Variants in CSPG5 observed in about 807,000 individuals in gnomAD.
CSPG5 encodes the protein acidic leucine-rich EGF-like domain-containing brain protein.
In CSPG5, 25 loss-of-function variants were observed where a neutral mutation model predicts 39.8. The observed-to-expected ratio is 0.63, with a 90% confidence interval of 0.46 to 0.88. The LOEUF (loss-of-function observed/expected upper bound fraction) is 0.88, where lower values mean the gene tolerates loss of function less well. CSPG5 is among the 40% of genes least tolerant of loss of function. The pLI, the probability that CSPG5 is intolerant of heterozygous loss-of-function variation, is 0.00. For missense variants in CSPG5, 627 were observed against 702.2 expected (o/e 0.89, Z 1.21); for synonymous variants, 295 against 303.9 (o/e 0.97, Z 0.31).
At position 47,572,623 on chromosome 3, in the gene CSPG5, C is replaced by T; in HGVS notation, c.1382+63G>A. 7.1e-7 allele frequency: 1 copy of T among 1,400,520 alleles called. No homozygotes were observed. Among genetic ancestry groups the T allele is most frequent in the Non-Finnish European group, 1.0e-6 (1 of 996,462 alleles). 86.8% of individuals were successfully genotyped at this position (1,400,520 alleles called of 1,614,324 possible). On this transcript the variant is annotated intron_variant, in intron 3 of 4. Coordinates refer to ENST00000264723, the MANE Select transcript of CSPG5 (RefSeq NM_006574.4). The surrounding 1 kb of genome is among the most constrained non-coding windows in gnomAD (Gnocchi z 4.5). ...AGTCCCTGGATCAGTTGGAGGGGTG[C>T]AGCAGCGTCGGGGGGCCTCCCACAC... is the stretch of plus-strand genomic sequence containing the variant.
chr3:47,575,152 G>A lies in CSPG5; in HGVS notation c.1193+1681C>T, dbSNP rs1293845421. Among the ~76,000 whole-genome samples the A allele has an allele frequency of 4.6e-5, 7 of 152,204 alleles. No individual in the cohort carries two copies. The South Asian group carries it at 6.2e-4, about 13-fold the overall frequency. On this transcript the variant is annotated intron_variant, in intron 2 of 4. Transcript: ENST00000264723. ...TGAAAAAGAGATACCCTGGCCGGGC[G>A]TGGTGGCTCACGCCTGTAATCCCAG... is the stretch of plus-strand genomic sequence containing the variant.
chr3:47,564,803 G>A (rs1161087315), intron 4 of CSPG5, among the ~76,000 whole-genome samples: 3 of 152,152 alleles, frequency 2.0e-5, no homozygotes, highest in East Asian at 1.9e-4. Context: ...ATATACACAC[G>A]TGTGTACTTT....
In CSPG5 at chr3:47,577,792, G is replaced by A; in HGVS notation, c.234C>T (p.Pro78=). The change falls in exon 2 of 5, where the codon CCC becomes CCT. Residue 78 remains proline, a synonymous_variant. Transcript: ENST00000264723. This position sits in a 1 kb window ranked among gnomAD's most constrained non-coding sequence, Gnocchi z 4.7. The part of the protein sequence containing the change: ...AGEDEASWTA[P]GGELAGPEEV... ...CTTCTGGCCCGGCCAGCTCGCCACC[G>A]GGCGCCGTCCACGACGCCTCATCTT... 3.2e-6 allele frequency: 5 copies of A among 1,584,568 alleles called. No individual in the cohort carries two copies. Among genetic ancestry groups the A allele is most frequent in the Non-Finnish European group, 4.3e-6 (5 of 1,173,734 alleles).
chr3:47,563,315 T>C (rs920770492), intron 4 of CSPG5, among the ~76,000 whole-genome samples: 2 of 152,186 alleles, frequency 1.3e-5, no homozygotes, highest in South Asian at 4.1e-4. Flanking sequence ...TGTCAGCCTC[T>C]CATTGTCACA....
At position 47,577,105 on chromosome 3, in the gene CSPG5, A is replaced by G. The variant is rs1417012091; in HGVS notation, c.921T>C (p.Pro307=). The G allele has an allele frequency of 6.2e-7, 1 of 1,613,900 alleles. No homozygotes were observed. Among genetic ancestry groups the G allele is most frequent in the South Asian group, 1.1e-5 (1 of 91,086 alleles). The change falls in exon 2 of 5, where the codon CCT becomes CCC. Residue 307 remains proline (P), a synonymous_variant. Transcript: ENST00000264723. This position sits in a 1 kb window ranked among gnomAD's most constrained non-coding sequence, Gnocchi z 4.7. The stretch of plus-strand genomic sequence containing the variant: ...GCTGGCCTGTCCCGGGCCCCAGACC[A>G]GGCTTCCCAGTGGGCACTAGAAGCT... ...ENELLVPTGK[P]GLGPGTGQPT...
rs1466691793 is a variant in CSPG5, at chr3:47,577,366, A to G, written c.660T>C (p.Gly220=). 1.9e-6 allele frequency: 3 copies of G among 1,614,042 alleles called. No homozygotes were observed. The highest frequency in any genetic ancestry group is 1.7e-6 in the Non-Finnish European group (2 of 1,179,990). The part of the protein sequence containing the change: ...IDYFEGLDGE[G]RGADLGSFPG... ...GGAAGCTCCCCAGATCTGCGCCACG[A>G]CCCTCACCATCCAGTCCTTCGAAGT... Residue 220 remains glycine (G), a synonymous_variant, in exon 2 of 5, where the codon GGT becomes GGC. Coordinates refer to ENST00000264723, the MANE Select transcript of CSPG5 (RefSeq NM_006574.4). The surrounding 1 kb of genome is among the most constrained non-coding windows in gnomAD (Gnocchi z 4.7).
In CSPG5 at chr3:47,578,323, C is replaced by A. The variant is rs1293742819; in HGVS notation, c.97+274G>T. Among the ~76,000 whole-genome samples the A allele has an allele frequency of 2.5e-4, 37 of 146,186 alleles. No individual in the cohort carries two copies. The highest frequency in any genetic ancestry group is 4.4e-4 in the South Asian group (2 of 4,586). On this transcript the variant is annotated intron_variant, in intron 1 of 4. Transcript: ENST00000264723. This position sits in a 1 kb window ranked among gnomAD's most constrained non-coding sequence, Gnocchi z 6.0. ...GTCTCACCCTCAGGCCCCGCCCCGG[C>A]CCCGCCCCGGCCCCGCCCCCGGCCC...
intron 4 of CSPG5, among the ~76,000 whole-genome samples, chr3:47,566,568 G>C (rs932377977): frequency 6.6e-6 from 1 of 152,214 alleles, no homozygotes; most frequent in African/African-American, 2.4e-5. Context: ...CTGGATAGGA[G>C]AGTCACCCCT....
chr3:47,568,094 G>A (rs888233156), intron 4 of CSPG5, among the ~76,000 whole-genome samples: 2 of 152,200 alleles, frequency 1.3e-5, no homozygotes, highest in Non-Finnish European at 2.9e-5. Flanking sequence ...GCCCCTGTGA[G>A]GTCTGACACT....
chr3:47,578,587 T>C lies in CSPG5; in HGVS notation c.97+10A>G. On this transcript the variant is annotated intron_variant, in intron 1 of 4. Transcript: ENST00000264723. This position sits in a 1 kb window ranked among gnomAD's most constrained non-coding sequence, Gnocchi z 6.0. ...AGGGCCGCGGGGGTCCCGGGCGCAGTCATACCTACCCGGCACGGCCCCAGA... is the reference window on the plus strand; with the variant it reads ...AGGGCCGCGGGGGTCCCGGGCGCAGCCATACCTACCCGGCACGGCCCCAGA... The C allele has an allele frequency of 9.1e-7, 1 of 1,104,294 alleles. No individual in the cohort carries two copies. The highest frequency in any genetic ancestry group is 1.1e-6 in the Non-Finnish European group (1 of 891,294). 68.4% of individuals were successfully genotyped at this position (1,104,294 alleles called of 1,614,324 possible).
At chr3:47,569,342 G>A (rs2031439810) in intron 3 of CSPG5, 115 bp from the exon 4 acceptor site, 7 of 1,059,610 alleles carry the variant, frequency 6.6e-6, no homozygotes, top group African/African-American at 3.2e-5. Context: ...GGTGGCTCGC[G>A]CCTGTAATCC....
chr3:47,577,925 C>A lies in CSPG5; in HGVS notation c.101G>T (p.Arg34Leu). ...GGCCTCAACCGCGCTGCCCGCCTCA[C>A]GCGCTGCGGGCGGGAGGGCAAGGGG... ...LVLASGAVPA[R>L]EAGSAVEAEE... is the part of the protein sequence containing the mutation. Residue 34 changes from arginine to leucine, a missense_variant, in exon 2 of 5, where the codon CGT becomes CTT. Transcript: ENST00000264723. The surrounding 1 kb of genome is among the most constrained non-coding windows in gnomAD (Gnocchi z 4.7). 1 of 1,431,750 alleles carries A rather than the reference C, an allele frequency of 7.0e-7. No individual in the cohort carries two copies. Among genetic ancestry groups the A allele is most frequent in the Non-Finnish European group, 9.0e-7 (1 of 1,106,062 alleles). 88.7% of individuals were successfully genotyped at this position (1,431,750 alleles called of 1,614,324 possible). A position where few individuals can be genotyped will look rare whatever the true frequency, so the allele number is the denominator to read the frequency against.
intron 3 of CSPG5, 25 bp from the exon 4 acceptor site, chr3:47,569,252 A>G (rs1379652544): frequency 1.2e-6 from 2 of 1,608,636 alleles, no homozygotes; most frequent in Non-Finnish European, 1.7e-6. Flanking sequence ...AGAGTGAAGG[A>G]AACATGTAAG....
At chr3:47,575,403 C>T (rs1397325931) in intron 2 of CSPG5, among the ~76,000 whole-genome samples, 1 of 152,208 alleles carries the variant, frequency 6.6e-6, no homozygotes, top group Non-Finnish European at 1.5e-5. Context: ...GATCACCCCA[C>T]CCTGGGATTC....
At chr3:47,566,467 C>A (rs1285438974) in intron 4 of CSPG5, among the ~76,000 whole-genome samples, 1 of 152,118 alleles carries the variant, frequency 6.6e-6, no homozygotes, top group Non-Finnish European at 1.5e-5. Context: ...TCGGCAATGC[C>A]CACAAGATCT....
intron 2 of CSPG5, among the ~76,000 whole-genome samples, chr3:47,574,705 C>A (rs1477058366): frequency 6.6e-6 from 1 of 151,356 alleles, no homozygotes. Flanking sequence ...TTTGGGAGGC[C>A]AAGGAGGGCA....
chr3:47,570,515 T>A (rs2031488302), intron 3 of CSPG5, among the ~76,000 whole-genome samples: 1 of 86,724 alleles, frequency 1.2e-5, no homozygotes, highest in South Asian at 3.1e-4. Context: ...CACCTAGAGC[T>A]TTTTTTTTTT....
At position 47,572,294 on chromosome 3, in the gene CSPG5, C is replaced by A. The variant is rs937552028; in HGVS notation, c.1382+392G>T. ...ACGCAGAATTATGAATGAAATCTCGCACTGGCCGCTGGCTGTCACAGTCCA... is the reference window on the plus strand; with the variant it reads ...ACGCAGAATTATGAATGAAATCTCGAACTGGCCGCTGGCTGTCACAGTCCA... On this transcript the variant is annotated intron_variant, in intron 3 of 4. Coordinates refer to ENST00000264723, the MANE Select transcript of CSPG5 (RefSeq NM_006574.4). This position sits in a 1 kb window ranked among gnomAD's most constrained non-coding sequence, Gnocchi z 4.5. Among the ~76,000 whole-genome samples the A allele has an allele frequency of 6.6e-6, 1 of 152,188 alleles. No individual in the cohort carries two copies. The highest frequency in any genetic ancestry group is 1.5e-5 in the Non-Finnish European group (1 of 68,026).
chr3:47,567,712 C>T (rs577264213), intron 4 of CSPG5, among the ~76,000 whole-genome samples: 80 of 152,274 alleles, frequency 5.3e-4, no homozygotes, highest in African/African-American at 1.8e-3. Context: ...GCAATTTCCC[C>T]ATCTATAAAA....
Sources: gnomAD v4.1 joint callset for allele counts (sites outside exome capture counted in the v4.1 genomes callset) on GRCh38, gnomAD v4.1.1 for gene constraint, Gnocchi (gnomAD v3.1) non-coding constraint, MANE v1.5 for transcripts, NCBI Gene and HGNC (gene_info 2026-07-23, HGNC 2026-07-21) for gene names.